Variants in MBNL2 observed in about 807,000 individuals in gnomAD.
The protein encoded by MBNL2 is muscleblind like splicing regulator 2.
MBNL2 carries 17 observed loss-of-function variants against 41.9 expected under a neutral mutation model. The observed-to-expected ratio is 0.41, with a 90% CI of 0.28 to 0.61. MBNL2 has a LOEUF of 0.61. MBNL2 is among the 20% of genes least tolerant of loss of function. The pLI is 0.35. For missense variants in MBNL2, 336 were observed against 505.6 expected, an observed-to-expected ratio of 0.66 and a Z score of 3.22; for synonymous variants, 195 against 182.9, an observed-to-expected ratio of 1.07 and a Z score of -0.53.
chr13:97,281,003 A>G (rs1240129359), intron 2 of MBNL2, among the ~76,000 whole-genome samples: 1 of 152,160 alleles, frequency 6.6e-6, no homozygotes, highest in Non-Finnish European at 1.5e-5. Context: ...TTATTGGTTG[A>G]TTATCTGTCT....
chr13:97,162,883 A>G, the MBNL2 span, among the ~76,000 whole-genome samples: 1 of 152,202 alleles, frequency 6.6e-6, no homozygotes. Flanking sequence ...AGTGAGAGAG[A>G]TAGGAGAGTC....
chr13:97,347,371 G>T (rs887785765), intron 5 of MBNL2, among the ~76,000 whole-genome samples: 1 of 152,148 alleles, frequency 6.6e-6, no homozygotes, highest in Non-Finnish European at 1.5e-5. Context: ...TTTAAGAGAG[G>T]CTCAGGGGCC....
intron 8 of MBNL2, among the ~76,000 whole-genome samples, chr13:97,391,015 A>G (rs546385286): frequency 3.9e-4 from 59 of 152,324 alleles, no homozygotes; most frequent in African/African-American, 1.4e-3. Flanking sequence ...AGAGCTATAA[A>G]GCAAAAATTT....
At chr13:97,382,408 T>A (rs2065536388) in intron 8 of MBNL2, among the ~76,000 whole-genome samples, 1 of 152,204 alleles carries the variant, frequency 6.6e-6, no homozygotes, top group Admixed American at 6.5e-5. Flanking sequence ...CCCCCAGATG[T>A]CCATGCAACA....
intron 2 of MBNL2, among the ~76,000 whole-genome samples, chr13:97,315,814 GCTCGTGGGTGAGGATGTGGAAGGCCTTA>G (rs1430447555): frequency 5.1e-4 from 77 of 151,988 alleles, no homozygotes; most frequent in Admixed American, 1.8e-3. Context: ...GGAAGGCCTT[GCTCGTGGGTGAGGATGTGGAAGGCCTTA>G]CTCGTGGGTG....
the MBNL2 span, among the ~76,000 whole-genome samples, chr13:97,178,074 T>C: frequency 6.6e-6 from 1 of 152,130 alleles, no homozygotes; most frequent in African/African-American, 2.4e-5. Context: ...TAAAAAGACA[T>C]TGAGTCTTGG....
Position 97,356,900 on chromosome 13 carries a change from T to A in MBNL2, c.858+51T>A, listed in dbSNP as rs189741755. Reference sequence around the variant, plus strand: ...TTGCATGTAGCTTTTCAGAGAACCATCTGAGATTTGTATTACTTGTAAAAT... The same window carrying A: ...TTGCATGTAGCTTTTCAGAGAACCAACTGAGATTTGTATTACTTGTAAAAT... On this transcript the variant is annotated intron_variant, in intron 6 of 8. Transcript: ENST00000679496. The A allele has an allele frequency of 1.3e-3, 1,529 of 1,198,826 alleles. 2 individuals carry two copies. The highest frequency in any genetic ancestry group is 1.1e-3 in the South Asian group (85 of 78,184). 74.3% of individuals were successfully genotyped at this position (1,198,826 alleles called of 1,614,324 possible).
At chr13:97,333,023 C>T (rs1014665700) in intron 2 of MBNL2, among the ~76,000 whole-genome samples, 12 of 152,154 alleles carry the variant, frequency 7.9e-5, no homozygotes, top group African/African-American at 2.7e-4. Context: ...TCTGAGCTGC[C>T]AAAAGTGCGG....
chr13:97,338,205 G>C (rs2061055430), intron 3 of MBNL2, among the ~76,000 whole-genome samples: 1 of 152,124 alleles, frequency 6.6e-6, no homozygotes, highest in Non-Finnish European at 1.5e-5. Context: ...ACATTGCTGG[G>C]TGAACACACA....
intron 1 of MBNL2, 128 bp downstream of exon 1, chr13:97,222,659 A>G (rs1008305363): frequency 2.5e-5 from 10 of 392,494 alleles, no homozygotes; most frequent in African/African-American, 1.9e-4. Flanking sequence ...CTTGCGGGGG[A>G]CCCTGGAGTT....
chr13:97,262,668 T>C (rs2048865324), intron 1 of MBNL2, among the ~76,000 whole-genome samples: 1 of 152,234 alleles, frequency 6.6e-6, no homozygotes, highest in Non-Finnish European at 1.5e-5. Flanking sequence ...ATCACTTCTA[T>C]ACCCGTTTCT....
chr13:97,354,190 G>A (rs2062777039), intron 5 of MBNL2, among the ~76,000 whole-genome samples: 1 of 152,076 alleles, frequency 6.6e-6, no homozygotes, highest in Admixed American at 6.5e-5. Flanking sequence ...CATAGTGAGG[G>A]CTCAATTACC....
the MBNL2 span, among the ~76,000 whole-genome samples, chr13:97,162,309 A>G: frequency 3.3e-5 from 5 of 150,150 alleles, no homozygotes; most frequent in African/African-American, 1.2e-4. Context: ...TCTACATCAA[A>G]TCGACTCTAA....
At chr13:97,212,516 T>C in the MBNL2 span, among the ~76,000 whole-genome samples, 5 of 152,160 alleles carry the variant, frequency 3.3e-5, no homozygotes, top group Non-Finnish European at 7.4e-5. Flanking sequence ...TGATTTGCCA[T>C]ATAATTTTTC....
intron 1 of MBNL2, among the ~76,000 whole-genome samples, chr13:97,230,248 A>C (rs1385142792): frequency 1.3e-5 from 2 of 152,216 alleles, no homozygotes; most frequent in African/African-American, 4.8e-5. Flanking sequence ...CGGTGAGCTG[A>C]GGTCACGCCA....
the MBNL2 span, among the ~76,000 whole-genome samples, chr13:97,148,364 A>T: frequency 1.9e-3 from 285 of 152,280 alleles, no homozygotes; most frequent in South Asian, 6.0e-3. Flanking sequence ...GAGAACTATT[A>T]AAACAACCCA....
the MBNL2 span, among the ~76,000 whole-genome samples, chr13:97,197,795 G>T: frequency 6.6e-6 from 1 of 152,228 alleles, no homozygotes; most frequent in Non-Finnish European, 1.5e-5. Context: ...AAACAGTTAA[G>T]GTTATTAACT....
the MBNL2 span, among the ~76,000 whole-genome samples, chr13:97,155,858 C>T: frequency 6.8e-5 from 10 of 147,140 alleles, no homozygotes; most frequent in East Asian, 2.0e-4. Flanking sequence ...AATAAACATA[C>T]GTGTGCATGT....
chr13:97,179,349 A>G, the MBNL2 span: 2 of 152,030 alleles, frequency 1.3e-5, no homozygotes, highest in Non-Finnish European at 2.9e-5. Context: ...CTGACTCTCT[A>G]TTTTCCTCTA....
Sources: allele counts gnomAD v4.1 joint callset (sites outside exome capture counted in the v4.1 genomes callset), GRCh38; gene constraint gnomAD v4.1.1; transcripts MANE v1.5; gene names NCBI Gene and HGNC (gene_info 2026-07-23, HGNC 2026-07-21).